The following PTPRG variants were observed in gnomAD, a reference collection of about 807,000 sequenced individuals.
The protein encoded by PTPRG is receptor-type tyrosine-protein phosphatase gamma.
Under a neutral mutation model 165.3 loss-of-function variants are expected in PTPRG, and 102 were observed. The observed-to-expected ratio is 0.62, with a 90% CI of 0.53 to 0.73. The LOEUF (loss-of-function observed/expected upper bound fraction) is 0.73. PTPRG is among the 30% of genes least tolerant of loss of function. PTPRG has a pLI of 0.00. For synonymous variants in PTPRG, 675 were observed against 669.5 expected, an observed-to-expected ratio of 1.01 and a Z score of -0.13; for missense variants, 1,866 against 1,861.4, an observed-to-expected ratio of 1.00 and a Z score of -0.05.
chr3:62,033,108 C>T (rs1010095429), intron 4 of PTPRG, among the ~76,000 whole-genome samples: 3 of 152,132 alleles, frequency 2.0e-5, no homozygotes, highest in Non-Finnish European at 4.4e-5. Context: ...CCTCCCAGCC[C>T]AGTTACATCT....
chr3:62,109,020 T>C (rs1028254136), intron 5 of PTPRG, among the ~76,000 whole-genome samples: 1 of 152,168 alleles, frequency 6.6e-6, no homozygotes, highest in African/African-American at 2.4e-5. Flanking sequence ...TGATAGTTTC[T>C]TTTGCTGTAC....
chr3:62,051,042 C>T (rs1052315897), intron 4 of PTPRG, among the ~76,000 whole-genome samples: 6 of 152,196 alleles, frequency 3.9e-5, no homozygotes, highest in African/African-American at 1.4e-4. Flanking sequence ...AAGTTGGTTA[C>T]TAAGTGGCGG....
intron 2 of PTPRG, among the ~76,000 whole-genome samples, chr3:61,942,713 T>C (rs1414188128): frequency 6.6e-6 from 1 of 152,256 alleles, no homozygotes; most frequent in Admixed American, 6.5e-5. Flanking sequence ...ACCTGGACAA[T>C]TCTGTTACAT....
Position 62,293,502 on chromosome 3 carries a change from A to C in PTPRG, c.*195A>C. Reference sequence around the variant, plus strand: ...GCATTTGCACCTCTGTTCATTTCACACAGTGAAACGCAATTTTACCTAGTT... The same window carrying C: ...GCATTTGCACCTCTGTTCATTTCACCCAGTGAAACGCAATTTTACCTAGTT... On this transcript the variant is annotated 3_prime_UTR_variant, in exon 30 of 30. Coordinates refer to ENST00000474889, the MANE Select transcript of PTPRG (RefSeq NM_002841.4). The C allele has an allele frequency of 2.2e-6, 1 of 447,558 alleles. No homozygotes were observed. The highest frequency in any genetic ancestry group is 3.9e-6 in the Non-Finnish European group (1 of 257,580). The allele number at this position is 447,558 out of a possible 1,614,324, so 27.7% of individuals were successfully genotyped here.
At chr3:62,188,883 G>C (rs1413019465) in intron 8 of PTPRG, among the ~76,000 whole-genome samples, 1 of 152,136 alleles carries the variant, frequency 6.6e-6, no homozygotes, top group Non-Finnish European at 1.5e-5. Context: ...TTCCCAATAT[G>C]TACATCTCGG....
At chr3:61,994,222 A>G (rs1162968206) in intron 3 of PTPRG, among the ~76,000 whole-genome samples, 1 of 152,258 alleles carries the variant, frequency 6.6e-6, no homozygotes, top group East Asian at 1.9e-4. Context: ...CAGCAAAATG[A>G]TCAGAATTTA....
Position 62,271,736 on chromosome 3 carries a change from C to T in PTPRG, c.3182+181C>T, listed in dbSNP as rs1702074306. ...TATTCCTGTAACATTAAGAAATCATCTGCTGCTTCTGTGATTTTTAAAAAA... is the reference window on the plus strand; with the variant it reads ...TATTCCTGTAACATTAAGAAATCATTTGCTGCTTCTGTGATTTTTAAAAAA... On this transcript the variant is annotated intron_variant, in intron 21 of 29. Coordinates refer to ENST00000474889, the MANE Select transcript of PTPRG (RefSeq NM_002841.4). The surrounding 1 kb of genome is among the most constrained non-coding windows in gnomAD (Gnocchi z 4.1). Among the ~76,000 whole-genome samples the T allele has an allele frequency of 6.6e-6, 1 of 152,190 alleles. No individual in the cohort carries two copies. Among genetic ancestry groups the T allele is most frequent in the Admixed American group, 6.5e-5 (1 of 15,268 alleles).
chr3:62,014,809 T>A (rs2041501869), intron 4 of PTPRG, among the ~76,000 whole-genome samples: 1 of 152,362 alleles, frequency 6.6e-6, no homozygotes, highest in Admixed American at 6.5e-5. Flanking sequence ...TACCTAAGCA[T>A]ATATAGTCAG....
intron 15 of PTPRG, among the ~76,000 whole-genome samples, chr3:62,247,125 T>C (rs926125390): frequency 2.6e-5 from 4 of 152,144 alleles, no homozygotes; most frequent in African/African-American, 4.8e-5. Flanking sequence ...ACAAAGTATG[T>C]TTATTTTCAC....
At chr3:61,802,601 C>A (rs1020962118) in intron 2 of PTPRG, among the ~76,000 whole-genome samples, 1 of 152,150 alleles carries the variant, frequency 6.6e-6, no homozygotes, top group Non-Finnish European at 1.5e-5. Context: ...AGCCTATTAT[C>A]CAGATATAAT....
At chr3:61,817,032 GTATATAATATATAATATTA>G (rs1190644399) in intron 2 of PTPRG, among the ~76,000 whole-genome samples, 486 of 126,684 alleles carry the variant, frequency 3.8e-3, no homozygotes, top group Non-Finnish European at 5.9e-3. Context: ...ATAATATATA[GTATATAATATATAATATTA>G]TATATAATAT....
chr3:61,731,724 C>T (rs1169284337), intron 1 of PTPRG, among the ~76,000 whole-genome samples: 1 of 151,994 alleles, frequency 6.6e-6, no homozygotes, highest in Non-Finnish European at 1.5e-5. Context: ...TTTCTTTTTC[C>T]CATTTATTTT....
chr3:61,837,557 C>G (rs1034188222), intron 2 of PTPRG, among the ~76,000 whole-genome samples: 6 of 152,150 alleles, frequency 3.9e-5, no homozygotes, highest in African/African-American at 1.4e-4. Flanking sequence ...ACGTCATAGA[C>G]AAGAGCGGAT....
intron 4 of PTPRG, among the ~76,000 whole-genome samples, chr3:62,060,101 C>T (rs1700759074): frequency 6.6e-6 from 1 of 151,820 alleles, no homozygotes; most frequent in South Asian, 2.1e-4. Context: ...GCCTGTAGCC[C>T]CAGCTATTCC....
At chr3:62,088,212 G>A (rs577289942) in intron 5 of PTPRG, among the ~76,000 whole-genome samples, 12 of 152,320 alleles carry the variant, frequency 7.9e-5, no homozygotes, top group South Asian at 4.1e-4. Flanking sequence ...GCCCAGGAAC[G>A]CTGCTGAACA....
At position 61,615,867 on chromosome 3, in the gene PTPRG, G is replaced by A. The variant is rs373127948; in HGVS notation, c.85+53495G>A. On this transcript the variant is annotated intron_variant, in intron 1 of 29. Transcript: ENST00000474889. ...TTCCAGGTTCATCTTGTACTCTGCC[G>A]GCCCTGGCTCTGGATTTGGCCAAGA... Among the ~76,000 whole-genome samples the A allele has an allele frequency of 2.7e-4, 41 of 152,230 alleles. No individual in the cohort carries two copies. The South Asian group carries it at 3.1e-3, about 12-fold the overall frequency.
chr3:61,724,543 A>G (rs2032179626), intron 1 of PTPRG, among the ~76,000 whole-genome samples: 1 of 151,980 alleles, frequency 6.6e-6, no homozygotes, highest in Non-Finnish European at 1.5e-5. Flanking sequence ...GTAAATGTAT[A>G]TTTAAGTTTT....
intron 2 of PTPRG, among the ~76,000 whole-genome samples, chr3:61,973,951 A>G (rs543957572): frequency 3.9e-5 from 6 of 152,288 alleles, no homozygotes; most frequent in African/African-American, 1.2e-4. Context: ...TGCCTTCTTG[A>G]TAATGTACAT....
intron 24 of PTPRG, 26 bp from the exon 25 acceptor site, chr3:62,276,946 G>C: frequency 6.3e-7 from 1 of 1,594,436 alleles, no homozygotes; most frequent in Non-Finnish European, 8.6e-7. Flanking sequence ...GGCAAATGTG[G>C]TGTTTTTGTT....
Sources: gnomAD v4.1 joint callset for allele counts (sites outside exome capture counted in the v4.1 genomes callset) on GRCh38, gnomAD v4.1.1 for gene constraint, Gnocchi (gnomAD v3.1) non-coding constraint, MANE v1.5 for transcripts, NCBI Gene and HGNC (gene_info 2026-07-23, HGNC 2026-07-21) for gene names.